The following NCKAP5 variants were observed in gnomAD, a reference collection of about 807,000 sequenced individuals.
NCKAP5 encodes NCK associated protein 5, also known as nck-associated protein 5.
NCKAP5 carries 92 observed loss-of-function variants against 167.0 expected under a neutral mutation model. That is an observed-to-expected ratio of 0.55 (90% CI 0.47 to 0.66). NCKAP5 has a LOEUF of 0.66. Among genes scored for constraint, NCKAP5 ranks in the 30% least tolerant of loss-of-function variants. The pLI, the probability that NCKAP5 is intolerant of heterozygous loss-of-function variation, is 0.00. For missense variants in NCKAP5, 2,378 were observed against 2,315.0 expected (o/e 1.03, Z -0.56); for synonymous variants, 891 against 877.4 (o/e 1.02, Z -0.27).
intron 5 of NCKAP5, among the ~76,000 whole-genome samples, chr2:133,141,693 T>C (rs2083002885): frequency 6.6e-6 from 1 of 152,224 alleles, no homozygotes. Flanking sequence ...ATACTAGGAA[T>C]GCCTTCACAC....
At chr2:133,380,917 T>A (rs1686474563) in intron 3 of NCKAP5, among the ~76,000 whole-genome samples, 1 of 152,206 alleles carries the variant, frequency 6.6e-6, no homozygotes, top group Non-Finnish European at 1.5e-5. Flanking sequence ...AAAGTAGACA[T>A]TTTACATATA....
chr2:132,825,343 G>A (rs150659698), intron 11 of NCKAP5, among the ~76,000 whole-genome samples: 1 of 152,278 alleles, frequency 6.6e-6, no homozygotes, highest in Non-Finnish European at 1.5e-5. Context: ...GGATGGCACA[G>A]TTTATGACCA....
At chr2:133,003,886 C>T (rs1350782217) in intron 6 of NCKAP5, among the ~76,000 whole-genome samples, 3 of 152,196 alleles carry the variant, frequency 2.0e-5, no homozygotes, top group Admixed American at 2.0e-4. Flanking sequence ...TAAATTTTCT[C>T]CTAGGCAGGC....
At chr2:132,723,505 A>G (rs975397558) in intron 19 of NCKAP5, among the ~76,000 whole-genome samples, 1 of 151,438 alleles carries the variant, frequency 6.6e-6, no homozygotes, top group Non-Finnish European at 1.5e-5. Flanking sequence ...GACTGTTCTC[A>G]CTCCCTGTGT....
At chr2:133,378,513 C>A (rs185070090) in intron 3 of NCKAP5, among the ~76,000 whole-genome samples, 47 of 152,280 alleles carry the variant, frequency 3.1e-4, no homozygotes, top group Admixed American at 3.9e-4. Flanking sequence ...GCCCCTTCCA[C>A]TGCATGCAAA....
intron 3 of NCKAP5, among the ~76,000 whole-genome samples, chr2:133,356,004 C>T (rs1274048590): frequency 1.3e-5 from 2 of 151,992 alleles, no homozygotes; most frequent in East Asian, 1.9e-4. Context: ...CATGTCTCAC[C>T]GAAACCTCAG....
intron 3 of NCKAP5, among the ~76,000 whole-genome samples, chr2:133,497,383 A>G (rs1039872774): frequency 6.6e-6 from 1 of 152,204 alleles, no homozygotes. Flanking sequence ...ATTGGTATTA[A>G]ATGGGTTGCT....
At chr2:132,696,384 G>A (rs934330909) in intron 19 of NCKAP5, among the ~76,000 whole-genome samples, 6 of 152,194 alleles carry the variant, frequency 3.9e-5, no homozygotes, top group African/African-American at 1.4e-4. Context: ...GGCCCTTGTG[G>A]AGAGAGTGAT....
intron 19 of NCKAP5, among the ~76,000 whole-genome samples, chr2:132,673,525 T>G (rs1573787413): frequency 1.3e-5 from 2 of 152,284 alleles, no homozygotes; most frequent in African/African-American, 4.8e-5. Flanking sequence ...AGGTCCCAAT[T>G]TGCAAATTAA....
intron 19 of NCKAP5, 57 bp from the exon 20 acceptor site, chr2:132,673,362 C>T: frequency 3.1e-6 from 4 of 1,305,496 alleles, no homozygotes; most frequent in Non-Finnish European, 1.0e-6. Flanking sequence ...TCAAGTTATC[C>T]TATCTAATAT....
At chr2:132,696,687 T>C (rs1272235803) in intron 19 of NCKAP5, among the ~76,000 whole-genome samples, 1 of 152,106 alleles carries the variant, frequency 6.6e-6, no homozygotes, top group Non-Finnish European at 1.5e-5. Context: ...GTAGACAGAT[T>C]AAAAAAGCTC....
At chr2:133,233,287 C>A (rs766520941) in intron 4 of NCKAP5, among the ~76,000 whole-genome samples, 1 of 152,124 alleles carries the variant, frequency 6.6e-6, no homozygotes, top group Admixed American at 6.6e-5. Flanking sequence ...CCCTGCCCTC[C>A]GAAAGCTAGA....
chr2:133,402,375 A>T (rs1688157845), intron 3 of NCKAP5, among the ~76,000 whole-genome samples: 1 of 152,152 alleles, frequency 6.6e-6, no homozygotes, highest in African/African-American at 2.4e-5. Flanking sequence ...GATAAAGAAA[A>T]CTTACTTTCC....
chr2:133,112,283 G>A (rs2081941487), intron 6 of NCKAP5, among the ~76,000 whole-genome samples: 1 of 152,026 alleles, frequency 6.6e-6, no homozygotes, highest in African/African-American at 2.4e-5. Flanking sequence ...GACCATCCTG[G>A]CTAACACGGT....
In NCKAP5 at chr2:133,226,005, A is replaced by G. The variant is rs547734395; in HGVS notation, c.144-12226T>C. On this transcript the variant is annotated intron_variant, in intron 4 of 19. Transcript: ENST00000409261. Reference sequence around the variant, plus strand: ...CACCATGTTGGCCAGGATGGTCTCAATCTCTTGACCTTGTGATCCACAAGC... The same window carrying G: ...CACCATGTTGGCCAGGATGGTCTCAGTCTCTTGACCTTGTGATCCACAAGC... 3.3e-5 allele frequency among the ~76,000 whole-genome samples: 5 copies of G among 151,968 alleles called. No homozygotes were observed. The East Asian group carries it at 9.7e-4, about 30-fold the overall frequency.
chr2:132,819,162 T>G (rs1487988996), intron 11 of NCKAP5, among the ~76,000 whole-genome samples: 1 of 152,186 alleles, frequency 6.6e-6, no homozygotes, highest in African/African-American at 2.4e-5. Flanking sequence ...CTGTCTTATG[T>G]TGCATATGGC....
intron 8 of NCKAP5, among the ~76,000 whole-genome samples, chr2:132,961,286 G>T (rs189843242): frequency 2.5e-4 from 37 of 147,358 alleles, no homozygotes; most frequent in Non-Finnish European, 4.0e-4. Context: ...TATGAAAATT[G>T]AATTACATGT....
intron 4 of NCKAP5, among the ~76,000 whole-genome samples, chr2:133,264,506 C>G (rs996442474): frequency 2.0e-5 from 3 of 152,172 alleles, no homozygotes; most frequent in African/African-American, 7.2e-5. Flanking sequence ...TTCCCACCCC[C>G]GGGGGCCTAC....
rs147007085 is a variant in NCKAP5, at chr2:132,821,839, C to T, written c.808-25110G>A. Among the ~76,000 whole-genome samples the T allele has an allele frequency of 1.4e-3, 209 of 152,272 alleles. 1 individual carries two copies. The highest frequency in any genetic ancestry group is 4.8e-3 in the African/African-American group (199 of 41,552). ...CCCCATTGGCCTGAGAATCACTCCCCCATGCCCCACAGTGGCCGTGGCAAG... is the reference window on the plus strand; with the variant it reads ...CCCCATTGGCCTGAGAATCACTCCCTCATGCCCCACAGTGGCCGTGGCAAG... On this transcript the variant is annotated intron_variant, in intron 11 of 19. Coordinates refer to ENST00000409261, the MANE Select transcript of NCKAP5 (RefSeq NM_207363.3).
Sources: gnomAD v4.1 joint callset for allele counts (sites outside exome capture counted in the v4.1 genomes callset) on GRCh38, gnomAD v4.1.1 for gene constraint, MANE v1.5 for transcripts, NCBI Gene and HGNC (gene_info 2026-07-23, HGNC 2026-07-21) for gene names.